The following ITIH2 variants were observed in gnomAD, a reference collection of about 807,000 sequenced individuals.
ITIH2 encodes inter-alpha-trypsin inhibitor heavy chain H2.
A neutral mutation model predicts 104.4 loss-of-function variants in ITIH2; 103 were observed. The ratio of observed to expected loss-of-function variants is 0.99; its 90% CI spans 0.84 to 1.16. ITIH2 has a LOEUF of 1.16. Among genes scored for constraint, ITIH2 ranks in the 50% most tolerant of loss-of-function variants. ITIH2 has a pLI of 0.00. For missense variants in ITIH2, 1,108 were observed against 1,162.4 expected (o/e 0.95, Z 0.68); for synonymous variants, 436 against 435.4 (o/e 1.00, Z -0.02).
Position 7,727,093 on chromosome 10 carries a change from T to C in ITIH2, c.1128T>C (p.Tyr376=). The change falls in exon 10 of 21, where the codon TAT becomes TAC. Residue 376 remains tyrosine, a synonymous_variant. Coordinates refer to ENST00000358415, the MANE Select transcript of ITIH2 (RefSeq NM_002216.3). The part of the protein sequence containing the change: ...TKTQVADAKR[Y]IEKIQPSGGT... ...CACAGGTTGCAGATGCCAAGAGGTATATTGAGAAAATCCAGCCCAGTGGAG... is the reference window on the plus strand; with the variant it reads ...CACAGGTTGCAGATGCCAAGAGGTACATTGAGAAAATCCAGCCCAGTGGAG... 1 of 1,614,118 alleles carries C rather than the reference T, an allele frequency of 6.2e-7. No individual in the cohort carries two copies. Among genetic ancestry groups the C allele is most frequent in the Non-Finnish European group, 8.5e-7 (1 of 1,179,966 alleles).
intron 7 of ITIH2, 101 bp downstream of exon 7, chr10:7,721,064 T>G: frequency 1.3e-6 from 1 of 772,302 alleles, no homozygotes; most frequent in Non-Finnish European, 2.3e-6. Flanking sequence ...AGGCTGGTGT[T>G]GAGGACACTG....
At chr10:7,744,045 C>A (rs377302059) in intron 17 of ITIH2, 37 bp from the exon 18 acceptor site, 25 of 1,530,864 alleles carry the variant, frequency 1.6e-5, no homozygotes, top group Admixed American at 5.2e-5. Flanking sequence ...AAATAAATGG[C>A]ACAGAAGAGA....
At chr10:7,717,826 C>G in intron 6 of ITIH2, 38 bp downstream of exon 6, 7 of 1,577,474 alleles carry the variant, frequency 4.4e-6, no homozygotes, top group Non-Finnish European at 6.1e-6. Context: ...TGACACTGTC[C>G]TTTTATAGTC....
chr10:7,704,205 G>T (rs974405448), intron 1 of ITIH2, among the ~76,000 whole-genome samples: 1 of 152,204 alleles, frequency 6.6e-6, no homozygotes, highest in Non-Finnish European at 1.5e-5. Context: ...AGCATGTTAT[G>T]GGAACATCCC....
chr10:7,703,540 C>T (rs777629047), intron 1 of ITIH2, 22 bp downstream of exon 1: 16 of 1,473,920 alleles, frequency 1.1e-5, no homozygotes, highest in Admixed American at 8.4e-5. Context: ...CAGATCACTC[C>T]TTGCTGTTGG....
Position 7,727,056 on chromosome 10 carries a change from C to A in ITIH2, c.1091C>A (p.Ser364Ter). Residue 364 changes from serine (S) to a stop codon, truncating the protein, a stop_gained, in exon 10 of 21, where the codon TCA (serine) becomes TAA (stop). Transcript: ENST00000358415. LOFTEE classifies it high-confidence loss of function. ...NIRTWRNDLI[S>*]ATKTQVADAK... Reference sequence around the variant, plus strand: ...CGAACTTGGAGAAATGATTTAATTTCAGCTACAAAAACACAGGTTGCAGAT... The same window carrying A: ...CGAACTTGGAGAAATGATTTAATTTAAGCTACAAAAACACAGGTTGCAGAT... 1.9e-6 allele frequency: 3 copies of A among 1,614,118 alleles called. No homozygotes were observed. The highest frequency in any genetic ancestry group is 1.1e-5 in the South Asian group (1 of 91,070).
At position 7,743,869 on chromosome 10, in the gene ITIH2, AATT is replaced by A. The variant is rs201839249; in HGVS notation, c.2210-208_2210-206del. On this transcript the variant is annotated intron_variant, in intron 17 of 20. Coordinates refer to ENST00000358415, the MANE Select transcript of ITIH2 (RefSeq NM_002216.3). ...CAATTAAATTTTATAACTGATATAA[AATT>A]ATTAAATTAAATTTTATTAAAATTT... Among the ~76,000 whole-genome samples the A allele has an allele frequency of 4.1e-3, 626 of 152,132 alleles. 3 individuals carry two copies. Among genetic ancestry groups the A allele is most frequent in the Middle Eastern group, 0.024 (7 of 294 alleles).
At chr10:7,713,990 C>T (rs1186366347) in intron 5 of ITIH2, among the ~76,000 whole-genome samples, 1 of 151,860 alleles carries the variant, frequency 6.6e-6, no homozygotes, top group East Asian at 1.9e-4. Context: ...TGCTGGGCTG[C>T]GATAGGGTCT....
At chr10:7,723,620 C>T in intron 9 of ITIH2, 53 bp downstream of exon 9, 1 of 1,113,008 alleles carries the variant, frequency 9.0e-7, no homozygotes, top group Non-Finnish European at 1.4e-6. Flanking sequence ...CTTCTTTGAT[C>T]CCCTCCTAAA....
At chr10:7,715,516 C>T (rs1456528041) in intron 5 of ITIH2, among the ~76,000 whole-genome samples, 4 of 152,176 alleles carry the variant, frequency 2.6e-5, no homozygotes, top group African/African-American at 9.7e-5. Flanking sequence ...CTTACTTCTA[C>T]CAGAAACTCT....
intron 4 of ITIH2, among the ~76,000 whole-genome samples, chr10:7,711,598 T>C (rs1227812157): frequency 6.6e-6 from 1 of 152,210 alleles, no homozygotes; most frequent in African/African-American, 2.4e-5. Context: ...AGAAGCATGA[T>C]GGCCTTGACC....
chr10:7,732,035 C>T, intron 13 of ITIH2, 39 bp downstream of exon 13: 2 of 1,480,896 alleles, frequency 1.4e-6, no homozygotes, highest in Non-Finnish European at 1.9e-6. Flanking sequence ...TACTAACTGA[C>T]CCCCTAGATA....
At chr10:7,703,658 G>A in intron 1 of ITIH2, 140 bp downstream of exon 1, 1 of 619,342 alleles carries the variant, frequency 1.6e-6, no homozygotes, top group Non-Finnish European at 2.9e-6. Flanking sequence ...AGTGTTTACT[G>A]TTATAATTAC....
At chr10:7,705,464 C>T (rs1003909826) in intron 2 of ITIH2, among the ~76,000 whole-genome samples, 1 of 152,062 alleles carries the variant, frequency 6.6e-6, no homozygotes, top group Non-Finnish European at 1.5e-5. Context: ...ACAGCATTTT[C>T]AGAGGCCAAG....
Position 7,730,146 on chromosome 10 carries a change from T to C in ITIH2, c.1461+13T>C, listed in dbSNP as rs368245607. 8.9e-6 allele frequency: 14 copies of C among 1,574,634 alleles called. No homozygotes were observed. The African/African-American group carries it at 1.8e-4, about 20-fold the overall frequency. ...TTCCCAGCTTAAGGTAACATTTTCT[T>C]CTGTTCTTTTTTTATTCTTCACTGG... On this transcript the variant is annotated intron_variant, in intron 12 of 20. Transcript: ENST00000358415.
chr10:7,741,269 C>A (rs1835121660), intron 16 of ITIH2, among the ~76,000 whole-genome samples: 1 of 151,108 alleles, frequency 6.6e-6, no homozygotes, highest in African/African-American at 2.4e-5. Flanking sequence ...ACCTCTGCCT[C>A]CCGGGTTCAA....
chr10:7,739,240 G>T (rs1835101626), intron 16 of ITIH2, among the ~76,000 whole-genome samples: 2 of 152,206 alleles, frequency 1.3e-5, no homozygotes, highest in African/African-American at 4.8e-5. Context: ...TTGCGTTGCA[G>T]CCTTCACCCA....
Position 7,744,096 on chromosome 10 carries a change from G to C in ITIH2, c.2224G>C (p.Gly742Arg). Residue 742 changes from glycine (G) to arginine (R), a missense_variant, in exon 18 of 21, where the codon GGT becomes CGT. Transcript: ENST00000358415. The part of the protein sequence containing the change: ...SDPESGIVVN[G>R]QLVGAKKPNN... ...CTTTCCTGTAGGAATTGTAGTCAAC[G>C]GTCAGCTTGTTGGTGCCAAGAAGCC... 1 of 1,613,846 alleles carries C rather than the reference G, an allele frequency of 6.2e-7. No homozygotes were observed. Among genetic ancestry groups the C allele is most frequent in the Non-Finnish European group, 8.5e-7 (1 of 1,179,840 alleles).
chr10:7,731,609 C>T (rs1027263244), intron 12 of ITIH2, among the ~76,000 whole-genome samples: 3 of 152,026 alleles, frequency 2.0e-5, no homozygotes, highest in African/African-American at 7.2e-5. Context: ...CCCGTAATCC[C>T]AGCTACTTGT....
Sources: allele counts gnomAD v4.1 joint callset (sites outside exome capture counted in the v4.1 genomes callset), GRCh38; gene constraint gnomAD v4.1.1; transcripts MANE v1.5; gene names NCBI Gene and HGNC (gene_info 2026-07-23, HGNC 2026-07-21).